Variants in LDLRAD4 observed in about 807,000 individuals in gnomAD.
LDLRAD4 encodes the protein low-density lipoprotein receptor class A domain-containing protein 4.
LDLRAD4 carries 5 observed loss-of-function variants against 17.0 expected under a neutral mutation model. The observed-to-expected ratio is 0.29, with a 90% CI of 0.15 to 0.62. The LOEUF is 0.62. Among genes scored for constraint, LDLRAD4 ranks in the 20% least tolerant of loss-of-function variants. LDLRAD4 has a pLI of 0.84. For missense variants in LDLRAD4, 340 were observed against 424.7 expected (o/e 0.80, Z 1.75); for synonymous variants, 168 against 171.8 (o/e 0.98, Z 0.17).
chr18:13,449,531 G>A (rs1600377983), intron 3 of LDLRAD4, among the ~76,000 whole-genome samples: 1 of 152,248 alleles, frequency 6.6e-6, no homozygotes, highest in African/African-American at 2.4e-5. Context: ...GTGCTTGGGA[G>A]AGGAGAATCT....
At chr18:13,572,020 T>C (rs530366765) in intron 3 of LDLRAD4, among the ~76,000 whole-genome samples, 175 of 152,332 alleles carry the variant, frequency 1.1e-3, no homozygotes, top group Non-Finnish European at 2.0e-3. Context: ...ATTTTAACTG[T>C]ACAGTAAGTC....
chr18:13,424,065 G>A (rs1378689384), intron 2 of LDLRAD4, among the ~76,000 whole-genome samples: 1 of 151,816 alleles, frequency 6.6e-6, no homozygotes. Context: ...AACCTGGGAG[G>A]TAGAGGTTGC....
At chr18:13,612,157 T>C (rs1367553456) in intron 3 of LDLRAD4, 4 of 986,192 alleles carry the variant, frequency 4.1e-6, no homozygotes, top group African/African-American at 1.7e-5. Flanking sequence ...TCCTCCTTTC[T>C]GTCTGGACTG....
intron 3 of LDLRAD4, among the ~76,000 whole-genome samples, chr18:13,545,276 C>A (rs1050657350): frequency 6.6e-6 from 1 of 152,122 alleles, no homozygotes; most frequent in Non-Finnish European, 1.5e-5. Context: ...GAGCTGCGCA[C>A]GTTCAGGGCA....
At chr18:13,285,480 T>C (rs1283905241) in intron 1 of LDLRAD4, among the ~76,000 whole-genome samples, 1 of 152,224 alleles carries the variant, frequency 6.6e-6, no homozygotes, top group African/African-American at 2.4e-5. Flanking sequence ...AGGTGTCTGC[T>C]GGGCTTTTCC....
chr18:13,322,460 C>T (rs747318998), intron 1 of LDLRAD4, among the ~76,000 whole-genome samples: 11 of 150,234 alleles, frequency 7.3e-5, no homozygotes, highest in Non-Finnish European at 1.0e-4. Flanking sequence ...CCACGACGCC[C>T]AGCTAATTTT....
At position 13,316,529 on chromosome 18, in the gene LDLRAD4, C is replaced by G. The variant is rs145439226; in HGVS notation, c.-383+38341C>G. Among the ~76,000 whole-genome samples, 71 of 152,290 alleles carry G rather than the reference C, an allele frequency of 4.7e-4. 2 individuals carry two copies. The East Asian group carries it at 0.012, about 26-fold the overall frequency. ...GAATGTAGGAGGGAATGCAGAGCCA[C>G]GTAAACAGCAAAGCCACGGGTGGTT... On this transcript the variant is annotated intron_variant, in intron 1 of 5. Transcript: ENST00000359446.
chr18:13,541,913 A>G (rs904749171), intron 3 of LDLRAD4, among the ~76,000 whole-genome samples: 2 of 152,106 alleles, frequency 1.3e-5, no homozygotes, highest in African/African-American at 2.4e-5. Flanking sequence ...CTCTACAAAT[A>G]TAGCCCAAAA....
At chr18:13,486,029 C>G (rs1600732585) in intron 3 of LDLRAD4, among the ~76,000 whole-genome samples, 1 of 152,212 alleles carries the variant, frequency 6.6e-6, no homozygotes, top group Non-Finnish European at 1.5e-5. Flanking sequence ...TAGCTTTATT[C>G]AGAAGCTGCC....
chr18:13,530,794 GA>G (rs2094115066), intron 3 of LDLRAD4, among the ~76,000 whole-genome samples: 1 of 151,130 alleles, frequency 6.6e-6, no homozygotes, highest in Admixed American at 6.6e-5. Context: ...GCCTGCCCTC[GA>G]GCCAGGAGGA....
intron 2 of LDLRAD4, among the ~76,000 whole-genome samples, chr18:13,431,445 G>C (rs1416758044): frequency 2.6e-5 from 4 of 152,196 alleles, no homozygotes; most frequent in Non-Finnish European, 5.9e-5. Flanking sequence ...TTCAAGCCCT[G>C]AAGGACTTTT....
At chr18:13,433,471 G>C (rs1318017513) in intron 2 of LDLRAD4, among the ~76,000 whole-genome samples, 1 of 152,156 alleles carries the variant, frequency 6.6e-6, no homozygotes, top group African/African-American at 2.4e-5. Context: ...GACTGAGATC[G>C]TATCTGTGAA....
chr18:13,376,991 C>G (rs1599773824), intron 1 of LDLRAD4, among the ~76,000 whole-genome samples: 2 of 152,202 alleles, frequency 1.3e-5, no homozygotes, highest in African/African-American at 4.8e-5. Flanking sequence ...GACAGCTGCT[C>G]CTGGGGACAG....
chr18:13,556,324 T>G (rs2094483003), intron 3 of LDLRAD4, among the ~76,000 whole-genome samples: 1 of 152,272 alleles, frequency 6.6e-6, no homozygotes, highest in African/African-American at 2.4e-5. Context: ...GAACAAGTAC[T>G]TCTGAGTTGA....
chr18:13,474,299 G>T (rs970171384), intron 3 of LDLRAD4, among the ~76,000 whole-genome samples: 2 of 152,126 alleles, frequency 1.3e-5, no homozygotes, highest in African/African-American at 4.8e-5. Context: ...CCGCTAAGCC[G>T]TGAGGAATCC....
chr18:13,327,060 CT>C (rs1414312213), intron 1 of LDLRAD4, among the ~76,000 whole-genome samples: 1 of 152,102 alleles, frequency 6.6e-6, no homozygotes, highest in Admixed American at 6.5e-5. Context: ...GGGAACCCTC[CT>C]CTTGTGCTTT....
chr18:13,346,979 TG>T (rs898074293), intron 1 of LDLRAD4, among the ~76,000 whole-genome samples: 1 of 152,218 alleles, frequency 6.6e-6, no homozygotes, highest in Non-Finnish European at 1.5e-5. Context: ...ACACGTGAGA[TG>T]GGTTCCCTGA....
At chr18:13,266,790 C>T (rs539607223) in intron 1 of LDLRAD4, among the ~76,000 whole-genome samples, 20 of 152,278 alleles carry the variant, frequency 1.3e-4, no homozygotes, top group Admixed American at 2.6e-4. Context: ...AGCTGCCTTC[C>T]GAGTGTAAGT....
intron 1 of LDLRAD4, among the ~76,000 whole-genome samples, chr18:13,352,679 TTCTC>T (rs989937986): frequency 6.6e-6 from 1 of 152,068 alleles, no homozygotes; most frequent in African/African-American, 2.4e-5. Flanking sequence ...ATCTTCCTCT[TTCTC>T]TCTTCTCCTT....
Sources: allele counts gnomAD v4.1 joint callset (sites outside exome capture counted in the v4.1 genomes callset), GRCh38; gene constraint gnomAD v4.1.1; transcripts MANE v1.5; gene names NCBI Gene and HGNC (gene_info 2026-07-23, HGNC 2026-07-21).